NAALADL2: variants seen among roughly 807,000 people sequenced by gnomAD.
NAALADL2 encodes the protein N-acetylated alpha-linked acidic dipeptidase like 2, also known as inactive N-acetylated-alpha-linked acidic dipeptidase-like protein 2.
A neutral mutation model predicts 87.2 loss-of-function variants in NAALADL2; 76 were observed. That is an observed-to-expected ratio of 0.87 (90% CI 0.72 to 1.05). The LOEUF (loss-of-function observed/expected upper bound fraction) is 1.05. Ranked by LOEUF, NAALADL2 falls within the 50% of genes least tolerant of loss-of-function variation. The probability of loss-of-function intolerance (pLI) is 0.00; values close to 1 mark genes in which losing one functional copy is unlikely to be tolerated. For missense variants in NAALADL2, 1,089 were observed against 945.8 expected (o/e 1.15, Z -1.99); for synonymous variants, 354 against 331.0 (o/e 1.07, Z -0.75).
intron 1 of NAALADL2, among the ~76,000 whole-genome samples, chr3:174,466,527 G>A (rs1716546226): frequency 1.3e-5 from 2 of 152,242 alleles, no homozygotes; most frequent in East Asian, 1.9e-4. Context: ...GTGACCACTA[G>A]TAGTTGCTAT....
intron 11 of NAALADL2, among the ~76,000 whole-genome samples, chr3:175,714,315 C>T (rs1490648119): frequency 6.6e-6 from 1 of 152,132 alleles, no homozygotes; most frequent in African/African-American, 2.4e-5. Flanking sequence ...CACTGTCTTC[C>T]ACAATGGTTG....
intron 2 of NAALADL2, among the ~76,000 whole-genome samples, chr3:174,688,331 G>A (rs1182402780): frequency 1.3e-5 from 2 of 151,994 alleles, no homozygotes; most frequent in African/African-American, 2.4e-5. Context: ...TGATATACAA[G>A]TAAGCAGTCT....
intron 12 of NAALADL2, among the ~76,000 whole-genome samples, chr3:175,752,920 T>C (rs1301716967): frequency 1.3e-5 from 2 of 152,186 alleles, no homozygotes; most frequent in African/African-American, 4.8e-5. Context: ...ATCCATCTTA[T>C]TGTTTCCTTG....
intron 2 of NAALADL2, among the ~76,000 whole-genome samples, chr3:174,722,553 T>G (rs548653599): frequency 6.6e-6 from 1 of 152,102 alleles, no homozygotes; most frequent in African/African-American, 2.4e-5. Context: ...ATACCAAAAA[T>G]TAGCCGGGCG....
chr3:174,810,068 G>A (rs1719994038), intron 3 of NAALADL2, among the ~76,000 whole-genome samples: 1 of 152,132 alleles, frequency 6.6e-6, no homozygotes, highest in Non-Finnish European at 1.5e-5. Context: ...CATGCTTCCT[G>A]TACAGCCTAC....
At chr3:174,775,509 C>T (rs1244537037) in intron 3 of NAALADL2, among the ~76,000 whole-genome samples, 2 of 152,252 alleles carry the variant, frequency 1.3e-5, no homozygotes, top group African/African-American at 4.8e-5. Flanking sequence ...TATTACAAAT[C>T]ACTTGTAAAA....
intron 2 of NAALADL2, among the ~76,000 whole-genome samples, chr3:175,113,370 C>T (rs564259217): frequency 1.1e-4 from 17 of 151,602 alleles, no homozygotes; most frequent in African/African-American, 4.1e-4. Context: ...ATGAGAGGCA[C>T]AGTACACAAA....
chr3:174,529,917 T>G (rs1170114262), intron 1 of NAALADL2, among the ~76,000 whole-genome samples: 1 of 152,182 alleles, frequency 6.6e-6, no homozygotes, highest in Non-Finnish European at 1.5e-5. Context: ...GAAGGTCTGC[T>G]GCAAAGGTCT....
At position 175,271,819 on chromosome 3, in the gene NAALADL2, AG is replaced by A. The variant is rs568771102; in HGVS notation, c.939+15290del. On this transcript the variant is annotated intron_variant, in intron 4 of 13. Transcript: ENST00000454872. ...CAAAGTAAATTAAATTAAATTAAAAAGCCGCCACTTAAATTGTGCAAAGTAT... is the reference window on the plus strand; with the variant it reads ...CAAAGTAAATTAAATTAAATTAAAAACCGCCACTTAAATTGTGCAAAGTAT... Among the ~76,000 whole-genome samples, 514 of 152,276 alleles carry A rather than the reference AG, an allele frequency of 3.4e-3. 6 individuals are homozygous for A. Among genetic ancestry groups the A allele is most frequent in the African/African-American group, 0.012 (492 of 41,544 alleles).
chr3:175,606,563 C>T (rs1723772614), intron 10 of NAALADL2, among the ~76,000 whole-genome samples: 1 of 152,100 alleles, frequency 6.6e-6, no homozygotes, highest in African/African-American at 2.4e-5. Context: ...TTGCGGAACT[C>T]CTTACAGCTG....
chr3:174,584,741 G>C (rs1332324002), intron 2 of NAALADL2, among the ~76,000 whole-genome samples: 1 of 151,986 alleles, frequency 6.6e-6, no homozygotes, highest in African/African-American at 2.4e-5. Context: ...CTGGTCCTTT[G>C]TGAATTTTTA....
intron 2 of NAALADL2, among the ~76,000 whole-genome samples, chr3:174,633,582 G>C (rs1197805758): frequency 6.6e-6 from 1 of 152,190 alleles, no homozygotes; most frequent in Non-Finnish European, 1.5e-5. Flanking sequence ...TGCTTAAACT[G>C]TCACTCTGCC....
intron 11 of NAALADL2, among the ~76,000 whole-genome samples, chr3:175,709,922 A>G (rs1740296670): frequency 6.6e-6 from 1 of 152,068 alleles, no homozygotes; most frequent in Non-Finnish European, 1.5e-5. Context: ...CAGTGAGTAC[A>G]GGTCTAAGTG....
At chr3:175,555,457 A>G (rs1359640096) in intron 9 of NAALADL2, among the ~76,000 whole-genome samples, 1 of 152,202 alleles carries the variant, frequency 6.6e-6, no homozygotes, top group Non-Finnish European at 1.5e-5. Context: ...GTAATTTTCA[A>G]ACCCGTACAC....
Position 174,827,939 on chromosome 3 carries a change from T to A in NAALADL2, c.-9+90193T>A, listed in dbSNP as rs1490750189. ...TGCTCATGCCTGTAATCTCAGCACT[T>A]TGGGAGGCTGAGGCAAGAGGATCGC... On this transcript the variant is annotated intron_variant, in intron 3 of 3. Transcript: ENST00000434257. Among the ~76,000 whole-genome samples the A allele has an allele frequency of 2.0e-5, 3 of 152,248 alleles. No homozygotes were observed. In the East Asian group the frequency reaches 5.8e-4, roughly 29 times the overall value.
At chr3:175,610,771 A>G (rs757609713) in intron 10 of NAALADL2, among the ~76,000 whole-genome samples, 7 of 152,124 alleles carry the variant, frequency 4.6e-5, no homozygotes, top group Non-Finnish European at 7.4e-5. Context: ...ATGCAGTTTA[A>G]TAAGATCCAC....
chr3:174,925,211 A>G (rs185425621), intron 1 of NAALADL2, among the ~76,000 whole-genome samples: 2,321 of 152,286 alleles, frequency 0.015, 20 homozygotes, highest in Non-Finnish European at 0.026. Context: ...TAGGTCTAAC[A>G]TTTAAATCTT....
intron 1 of NAALADL2, among the ~76,000 whole-genome samples, chr3:174,948,683 C>T (rs1474825661): frequency 1.3e-5 from 2 of 151,966 alleles, no homozygotes; most frequent in African/African-American, 4.8e-5. Context: ...TCCATGATGT[C>T]AGGGGTCTCT....
chr3:174,636,585 A>G (rs1450576426), intron 2 of NAALADL2, among the ~76,000 whole-genome samples: 1 of 152,196 alleles, frequency 6.6e-6, no homozygotes, highest in Non-Finnish European at 1.5e-5. Context: ...AGGGAAATGT[A>G]AATGAAAACC....
Sources: gnomAD v4.1 joint callset for allele counts (sites outside exome capture counted in the v4.1 genomes callset) on GRCh38, gnomAD v4.1.1 for gene constraint, MANE v1.5 for transcripts, NCBI Gene and HGNC (gene_info 2026-07-23, HGNC 2026-07-21) for gene names.